SLC25A24: variants seen among roughly 807,000 people sequenced by gnomAD.
SLC25A24 encodes mitochondrial adenyl nucleotide antiporter SLC25A24.
Under a neutral mutation model 60.7 loss-of-function variants are expected in SLC25A24, and 49 were observed. The ratio of observed to expected loss-of-function variants is 0.81; its 90% confidence interval spans 0.64 to 1.02. The LOEUF (loss-of-function observed/expected upper bound fraction) is 1.02. Ranked by LOEUF, SLC25A24 falls within the 50% of genes least tolerant of loss-of-function variation. The pLI, the probability that SLC25A24 is intolerant of heterozygous loss-of-function variation, is 0.00. For synonymous variants in SLC25A24, 202 were observed against 200.6 expected (o/e 1.01, Z -0.06); for missense variants, 564 against 586.3 (o/e 0.96, Z 0.39).
intron 3 of SLC25A24, among the ~76,000 whole-genome samples, chr1:108,180,658 C>CTCTCTCTCTCTCTCTG (rs1647893961): frequency 2.9e-5 from 3 of 104,942 alleles, no homozygotes; most frequent in African/African-American, 1.0e-4. Context: ...CTCTCTCTCT[C>CTCTCTCTCTCTCTCTG]TCTCTCTCTG....
At chr1:108,137,300 G>C (rs1679317858) in intron 9 of SLC25A24, among the ~76,000 whole-genome samples, 1 of 152,130 alleles carries the variant, frequency 6.6e-6, no homozygotes, top group Non-Finnish European at 1.5e-5. Context: ...AGAGAGAACA[G>C]TTAAATCTCA....
chr1:108,181,996 G>A lies in SLC25A24; in HGVS notation c.343C>T (p.Leu115Phe), dbSNP rs773835317. ...KIEASEIVQS[L>F]QTLGLTISEQ... ...GAAATAGTCAGACCCAGTGTCTGGAGAGACTGGACAATTTCTGAAGCCTCA... is the reference window on the plus strand; with the variant it reads ...GAAATAGTCAGACCCAGTGTCTGGAAAGACTGGACAATTTCTGAAGCCTCA... Residue 115 changes from leucine to phenylalanine, a missense_variant, in exon 3 of 10, where the codon CTC becomes TTC. Transcript: ENST00000565488. The A allele has an allele frequency of 6.8e-6, 11 of 1,612,678 alleles. No individual in the cohort carries two copies. Among genetic ancestry groups the A allele is most frequent in the Non-Finnish European group, 8.5e-6 (10 of 1,179,072 alleles).
In SLC25A24 at chr1:108,155,085, C is replaced by T. The variant is rs1279480550; in HGVS notation, c.720G>A (p.Gln240=). ...AGCGGATACCTCCTTCTTTTACCAT[C>T]TGTCGAAAGCCACCAAATATGTTCA... ...DKMNIFGGFR[Q]MVKEGGIRSL... Residue 240 remains glutamine (Q), a synonymous_variant, in exon 6 of 10, where the codon CAG becomes CAA. Coordinates refer to ENST00000565488, the MANE Select transcript of SLC25A24 (RefSeq NM_013386.5). The T allele has an allele frequency of 2.0e-5, 33 of 1,612,616 alleles. No homozygotes were observed. The highest frequency in any genetic ancestry group is 2.7e-5 in the Non-Finnish European group (32 of 1,179,304).
At chr1:108,167,770 G>C (rs972722298) in intron 3 of SLC25A24, among the ~76,000 whole-genome samples, 5 of 152,196 alleles carry the variant, frequency 3.3e-5, no homozygotes, top group African/African-American at 1.2e-4. Flanking sequence ...CTCACGCTGG[G>C]AGCTGTAGAC....
chr1:108,177,476 G>A (rs1320044218), intron 3 of SLC25A24, among the ~76,000 whole-genome samples: 2 of 151,980 alleles, frequency 1.3e-5, no homozygotes, highest in Non-Finnish European at 2.9e-5. Context: ...GTGTCTGAGT[G>A]GATTAAAAAA....
At chr1:108,179,552 T>C (rs828982) in intron 3 of SLC25A24, among the ~76,000 whole-genome samples, 109,581 of 151,954 alleles carry the variant, frequency 0.72, 40,189 homozygotes, top group African/African-American at 0.86. Flanking sequence ...ATGTGCTATA[T>C]ATATACAATA....
At chr1:108,138,067 C>T (rs1558005593) in intron 9 of SLC25A24, among the ~76,000 whole-genome samples, 1 of 152,234 alleles carries the variant, frequency 6.6e-6, no homozygotes, top group Non-Finnish European at 1.5e-5. Flanking sequence ...CTCAGCTTCA[C>T]TGACAGCATT....
rs372325590 is a variant in SLC25A24 at position 108,189,032 on chromosome 1, G to T, written c.184-3078C>A. Reference sequence around the variant, plus strand: ...GAGATTTTCAGTGTTTCAGCAAGTTGCTTCTTTTTTAATCTGTCATCCTGA... The same window carrying T: ...GAGATTTTCAGTGTTTCAGCAAGTTTCTTCTTTTTTAATCTGTCATCCTGA... On this transcript the variant is annotated intron_variant, in intron 1 of 9. Coordinates refer to ENST00000565488, the MANE Select transcript of SLC25A24 (RefSeq NM_013386.5). Among the ~76,000 whole-genome samples the T allele has an allele frequency of 5.3e-5, 8 of 152,142 alleles. 1 individual carries two copies. Among genetic ancestry groups the T allele is most frequent in the Admixed American group, 4.6e-4 (7 of 15,280 alleles).
At chr1:108,170,385 A>C (rs1647419613) in intron 3 of SLC25A24, among the ~76,000 whole-genome samples, 1 of 152,186 alleles carries the variant, frequency 6.6e-6, no homozygotes, top group East Asian at 1.9e-4. Flanking sequence ...GCCTACTATG[A>C]AATCAATTTT....
At chr1:108,137,656 C>A (rs1022232216) in intron 9 of SLC25A24, among the ~76,000 whole-genome samples, 1 of 152,194 alleles carries the variant, frequency 6.6e-6, no homozygotes, top group African/African-American at 2.4e-5. Context: ...GACAATCTAT[C>A]AGCCGTATCA....
At chr1:108,139,859 G>A (rs998162721) in intron 8 of SLC25A24, among the ~76,000 whole-genome samples, 15 of 151,976 alleles carry the variant, frequency 9.9e-5, no homozygotes, top group South Asian at 2.1e-4. Context: ...TGATCCGCCC[G>A]CCTCGGCCTC....
intron 9 of SLC25A24, among the ~76,000 whole-genome samples, chr1:108,138,642 C>A (rs542357531): frequency 6.6e-6 from 1 of 152,108 alleles, no homozygotes; most frequent in East Asian, 1.9e-4. Context: ...TTTAACAAAC[C>A]CAAGATGCTT....
intron 4 of SLC25A24, 141 bp from the exon 5 acceptor site, chr1:108,157,761 C>T (rs76116477): frequency 1.0e-5 from 9 of 861,356 alleles, no homozygotes; most frequent in Non-Finnish European, 1.6e-5. Flanking sequence ...AATTTGAGTA[C>T]ATAGATTATA....
rs751707596 is a variant in SLC25A24 at position 108,192,515 on chromosome 1, T to C, written c.184-6561A>G. 60 of 1,496,232 alleles carry C rather than the reference T, an allele frequency of 4.0e-5. 12 individuals carry two copies. Among genetic ancestry groups the C allele is most frequent in the East Asian group, 5.6e-5 (2 of 35,970 alleles). 92.7% of individuals were successfully genotyped at this position (1,496,232 alleles called of 1,614,324 possible). On this transcript the variant is annotated intron_variant, in intron 1 of 9. Transcript: ENST00000565488. ...ACCCACCTTCGCTTCCTCTAGAGAT[T>C]GAATGGCCCCTACATCCTCCAGGCC...
At chr1:108,166,394 A>C (rs1188243766) in intron 3 of SLC25A24, among the ~76,000 whole-genome samples, 3 of 152,090 alleles carry the variant, frequency 2.0e-5, no homozygotes, top group Non-Finnish European at 4.4e-5. Flanking sequence ...AGTGTTTTCC[A>C]ACTTGGTTCC....
intron 7 of SLC25A24, among the ~76,000 whole-genome samples, chr1:108,147,588 T>C (rs1679638598): frequency 6.6e-6 from 1 of 152,216 alleles, no homozygotes; most frequent in South Asian, 2.1e-4. Context: ...TCAAGGGCTG[T>C]ATGAAACAGT....
chr1:108,166,582 G>A (rs1233830585), intron 3 of SLC25A24, among the ~76,000 whole-genome samples: 15 of 151,882 alleles, frequency 9.9e-5, no homozygotes, highest in Admixed American at 2.0e-4. Context: ...CCAGTTGATC[G>A]CATCAGCTCC....
intron 4 of SLC25A24, among the ~76,000 whole-genome samples, chr1:108,160,899 A>G (rs1443741737): frequency 6.6e-6 from 1 of 152,226 alleles, no homozygotes; most frequent in Non-Finnish European, 1.5e-5. Context: ...AGATGGCAGC[A>G]GTACAGTCCA....
intron 4 of SLC25A24, 64 bp downstream of exon 4, chr1:108,161,118 T>C: frequency 1.1e-6 from 1 of 877,342 alleles, no homozygotes; most frequent in Non-Finnish European, 1.9e-6. Context: ...AGAGTGTTCT[T>C]GGGTGATAAC....
Sources: gnomAD v4.1 joint callset for allele counts (sites outside exome capture counted in the v4.1 genomes callset) on GRCh38, gnomAD v4.1.1 for gene constraint, MANE v1.5 for transcripts, NCBI Gene and HGNC (gene_info 2026-07-23, HGNC 2026-07-21) for gene names.